The following DHX32 variants were observed in gnomAD, a reference collection of about 807,000 sequenced individuals.
DHX32 encodes the protein DEAH-box helicase 32 (putative).
In DHX32, 51 loss-of-function variants were observed where a neutral mutation model predicts 70.0. The observed-to-expected ratio is 0.73, with a 90% CI of 0.58 to 0.92. The LOEUF (loss-of-function observed/expected upper bound fraction) is 0.92, where lower values mean the gene tolerates loss of function less well. Ranked by LOEUF, DHX32 falls within the 40% of genes least tolerant of loss-of-function variation. The probability of loss-of-function intolerance (pLI) is 0.00; values close to 1 mark genes in which losing one functional copy is unlikely to be tolerated. For synonymous variants in DHX32, 310 were observed against 315.3 expected (o/e 0.98, Z 0.18); for missense variants, 762 against 891.8 (o/e 0.85, Z 1.85).
At chr10:125,886,475 C>A (rs1944341788) in intron 1 of DHX32, among the ~76,000 whole-genome samples, 1 of 152,164 alleles carries the variant, frequency 6.6e-6, no homozygotes, top group Non-Finnish European at 1.5e-5. Flanking sequence ...TTACGTCCTT[C>A]ATTATTTCAC....
At chr10:125,838,602 G>T (rs1854775097) in intron 9 of DHX32, among the ~76,000 whole-genome samples, 1 of 152,180 alleles carries the variant, frequency 6.6e-6, no homozygotes, top group Admixed American at 6.5e-5. Context: ...TTCAGCAACA[G>T]CAGGGCACTG....
chr10:125,880,833 A>G lies in DHX32; in HGVS notation c.-9T>C, dbSNP rs1291769692. 1.2e-6 allele frequency: 2 copies of G among 1,605,438 alleles called. No homozygotes were observed. The highest frequency in any genetic ancestry group is 1.7e-5 in the Admixed American group (1 of 58,376). On this transcript the variant is annotated 5_prime_UTR_variant, in exon 1 of 11. Coordinates refer to ENST00000284690, the MANE Select transcript of DHX32 (RefSeq NM_018180.3). Reference sequence around the variant, plus strand: ...AGCCCTTCTTCTTCCATCTTGTCTGACAGTGAGCTCACGCAGCTGACATTC... The same window carrying G: ...AGCCCTTCTTCTTCCATCTTGTCTGGCAGTGAGCTCACGCAGCTGACATTC...
chr10:125,880,451 C>G (rs1444692263), intron 1 of DHX32, 92 bp downstream of exon 1: 2 of 1,335,330 alleles, frequency 1.5e-6, no homozygotes, highest in Non-Finnish European at 2.0e-6. Flanking sequence ...GTTTTAGACA[C>G]TATTATTAGA....
rs186170145 is a variant in DHX32 at position 125,888,433 on chromosome 10, T to C, written c.-247-7362A>G. Among the ~76,000 whole-genome samples the C allele has an allele frequency of 4.9e-3, 753 of 152,256 alleles. 5 individuals are homozygous for C. Among genetic ancestry groups the C allele is most frequent in the Middle Eastern group, 0.017 (5 of 294 alleles). On this transcript the variant is annotated intron_variant, in intron 1 of 2. Coordinates refer to the DHX32 transcript ENST00000415732. ...ATGTTGCCCAGGCTGGCAGTGAATT[T>C]TTTTGAGAAGAAATTGTGCTCATTT... is the stretch of plus-strand genomic sequence containing the variant.
At position 125,866,607 on chromosome 10, in the gene DHX32, G is replaced by A. The variant is rs897079316; in HGVS notation, c.476+383C>T. 1.3e-5 allele frequency among the ~76,000 whole-genome samples: 2 copies of A among 152,226 alleles called. No homozygotes were observed. The highest frequency in any genetic ancestry group is 2.9e-5 in the Non-Finnish European group (2 of 68,038). ...GCCCGGACATGCTGAGCACAGGGAG[G>A]GGCAGGTGTACAGGCACAGGGTGTG... is the stretch of plus-strand genomic sequence containing the variant. On this transcript the variant is annotated intron_variant, in intron 2 of 10. Coordinates refer to ENST00000284690, the MANE Select transcript of DHX32 (RefSeq NM_018180.3). The surrounding 1 kb of genome is among the most constrained non-coding windows in gnomAD (Gnocchi z 4.8).
chr10:125,869,772 T>C (rs1944245047), intron 1 of DHX32, among the ~76,000 whole-genome samples: 3 of 152,110 alleles, frequency 2.0e-5, no homozygotes, highest in Non-Finnish European at 4.4e-5. Context: ...GGAAGATCCT[T>C]AAGCTACACG....
chr10:125,845,941 C>G (rs1212265107), intron 6 of DHX32, among the ~76,000 whole-genome samples: 1 of 152,236 alleles, frequency 6.6e-6, no homozygotes, highest in Non-Finnish European at 1.5e-5. Flanking sequence ...TTGACAGCCA[C>G]AGGCACCTCC....
upstream of DHX32, among the ~76,000 whole-genome samples, chr10:125,884,666 G>A (rs1944333395): frequency 6.6e-6 from 1 of 152,224 alleles, no homozygotes; most frequent in Admixed American, 6.5e-5. Context: ...CTCTGGTCCA[G>A]TAATTCTAGA....
chr10:125,856,729 T>G (rs1425251791), intron 3 of DHX32, among the ~76,000 whole-genome samples: 1 of 152,040 alleles, frequency 6.6e-6, no homozygotes, highest in African/African-American at 2.4e-5. Flanking sequence ...GAGAACTGCT[T>G]GAGGCCAGGA....
At chr10:125,856,376 G>C (rs967949735) in intron 3 of DHX32, among the ~76,000 whole-genome samples, 1 of 152,122 alleles carries the variant, frequency 6.6e-6, no homozygotes, top group Non-Finnish European at 1.5e-5. Context: ...ACATATTATC[G>C]TAAATCTCAA....
At chr10:125,894,891 C>A (rs1191659040) in intron 1 of DHX32, among the ~76,000 whole-genome samples, 1 of 152,310 alleles carries the variant, frequency 6.6e-6, no homozygotes, top group African/African-American at 2.4e-5. Flanking sequence ...CCACTGGATA[C>A]AGGAGTACTG....
At chr10:125,865,236 C>T (rs1944213855) in intron 2 of DHX32, among the ~76,000 whole-genome samples, 1 of 152,158 alleles carries the variant, frequency 6.6e-6, no homozygotes, top group African/African-American at 2.4e-5. Context: ...TTGTCCTGTC[C>T]AGCTCTTTAA....
rs577639315 is a variant in DHX32, at chr10:125,893,626, A to G, written c.-248+2592T>C. ...CAACAAATTGAATGTAGACCATGAC[A>G]AGTTTGGAGAACAAAGAGGAAAACA... On this transcript the variant is annotated intron_variant, in intron 1 of 2. Coordinates refer to the DHX32 transcript ENST00000415732. 1.5e-3 allele frequency among the ~76,000 whole-genome samples: 226 copies of G among 152,346 alleles called. 8 individuals are homozygous for G. Among genetic ancestry groups the G allele is most frequent in the Admixed American group, 0.015 (226 of 15,308 alleles).
At chr10:125,854,938 A>G (rs1360867003) in intron 3 of DHX32, 1 of 152,224 alleles carries the variant, frequency 6.6e-6, no homozygotes, top group African/African-American at 2.4e-5. Context: ...TAGAAATTAA[A>G]AGGAAGGCCA....
Position 125,859,054 on chromosome 10 carries a change from T to G in DHX32, c.849+549A>C, listed in dbSNP as rs1487468954. 2.1e-3 allele frequency among the ~76,000 whole-genome samples: 314 copies of G among 151,450 alleles called. 1 individual carries two copies. Among genetic ancestry groups the G allele is most frequent in the African/African-American group, 6.5e-3 (267 of 41,322 alleles). The stretch of plus-strand genomic sequence containing the variant: ...TTTTGTTTGTTTGTTTGTTTTTTTT[T>G]TTTTTTTTTAATCTTTTAAGAATGG... On this transcript the variant is annotated intron_variant, in intron 3 of 10. Transcript: ENST00000284690.
chr10:125,841,828 A>C lies in DHX32; in HGVS notation c.1458T>G (p.Leu486=). Residue 486 remains leucine (L), a synonymous_variant, in exon 7 of 11, where the codon CTT becomes CTG. Coordinates refer to ENST00000284690, the MANE Select transcript of DHX32 (RefSeq NM_018180.3). ...AGATAGACTTCGAGAGTTGTGGATC[A>C]AGAGGAAACTCTGACATGATGATTC... The part of the protein sequence containing the change: ...EFGIIMSEFP[L]DPQLSKSILA... 6.2e-7 allele frequency: 1 copy of C among 1,613,800 alleles called. No homozygotes were observed. The highest frequency in any genetic ancestry group is 2.2e-5 in the East Asian group (1 of 44,896).
Position 125,859,045 on chromosome 10 carries a change from GTTTT to G in DHX32, c.849+554_849+557del, listed in dbSNP as rs71029270. On this transcript the variant is annotated intron_variant, in intron 3 of 10. Transcript: ENST00000284690. ...GGTTTTTTTTTTTGTTTGTTTGTTT[GTTTT>G]TTTTTTTTTTTTTTAATCTTTTAAG... Among the ~76,000 whole-genome samples the G allele has an allele frequency of 4.5e-3, 644 of 141,740 alleles. 4 individuals carry two copies. Among genetic ancestry groups the G allele is most frequent in the South Asian group, 0.028 (128 of 4,536 alleles). The allele number at this position is 141,740 out of a possible 152,430, so 93.0% of individuals were successfully genotyped here.
intron 3 of DHX32, among the ~76,000 whole-genome samples, chr10:125,857,379 T>C (rs1944155048): frequency 6.6e-6 from 1 of 152,224 alleles, no homozygotes; most frequent in African/African-American, 2.4e-5. Flanking sequence ...GCTGGCTTGC[T>C]GCCCCACCCA....
chr10:125,836,460 G>T lies in DHX32; in HGVS notation c.*227C>A. 2.9e-6 allele frequency: 4 copies of T among 1,402,178 alleles called. No individual in the cohort carries two copies. Among genetic ancestry groups the T allele is most frequent in the Non-Finnish European group, 2.8e-6 (3 of 1,081,194 alleles). The allele number at this position is 1,402,178 out of a possible 1,614,324, so 86.9% of individuals were successfully genotyped here. On this transcript the variant is annotated 3_prime_UTR_variant, in exon 11 of 11. Coordinates refer to ENST00000284690, the MANE Select transcript of DHX32 (RefSeq NM_018180.3). ...TTAAAATTTTGGTCAAATTATGAGTGGTTGATTTAAAAACTTTTCCAAGAA... is the reference window on the plus strand; with the variant it reads ...TTAAAATTTTGGTCAAATTATGAGTTGTTGATTTAAAAACTTTTCCAAGAA...
Sources: allele counts gnomAD v4.1 joint callset (sites outside exome capture counted in the v4.1 genomes callset), GRCh38; gene constraint gnomAD v4.1.1; non-coding constraint Gnocchi (gnomAD v3.1); transcripts MANE v1.5; gene names NCBI Gene and HGNC (gene_info 2026-07-23, HGNC 2026-07-21).